The following KIAA2012 variants were observed in gnomAD, a reference collection of about 807,000 sequenced individuals.
KIAA2012 encodes the protein uncharacterized protein KIAA2012.
KIAA2012 carries 125 observed loss-of-function variants against 150.6 expected under a neutral mutation model. That is an observed-to-expected ratio of 0.83 (90% CI 0.72 to 0.96). The LOEUF (loss-of-function observed/expected upper bound fraction) is 0.96, where lower values mean the gene tolerates loss of function less well. KIAA2012 is among the 40% of genes least tolerant of loss of function. The pLI is 0.00. For missense variants in KIAA2012, 1,219 were observed against 1,354.9 expected (o/e 0.90, Z 1.57); for synonymous variants, 462 against 504.7 (o/e 0.92, Z 1.13).
chr2:202,184,182 A>G lies in KIAA2012; in HGVS notation c.2120-571A>G, dbSNP rs570057773. Among the ~76,000 whole-genome samples, 174 of 152,146 alleles carry G rather than the reference A, an allele frequency of 1.1e-3. 1 individual carries two copies. Among genetic ancestry groups the G allele is most frequent in the Non-Finnish European group, 2.0e-3 (134 of 67,994 alleles). ...GGGTGGATCACGAGGTCAGGAGTTC[A>G]AGACCAGCCTGGCCAATATGGTGAA... On this transcript the variant is annotated intron_variant, in intron 15 of 23. Coordinates refer to ENST00000498697, the MANE Select transcript of KIAA2012 (RefSeq NM_001277372.4).
intron 2 of KIAA2012, among the ~76,000 whole-genome samples, chr2:202,088,717 A>T (rs551743378): frequency 6.6e-6 from 1 of 152,310 alleles, no homozygotes; most frequent in Admixed American, 6.5e-5. Context: ...TAAATTATAT[A>T]ATGATTAGAC....
Position 202,093,304 on chromosome 2 carries a change from T to C in KIAA2012, c.685+119T>C. 29 of 1,037,434 alleles carry C rather than the reference T, an allele frequency of 2.8e-5. 1 individual carries two copies. In the South Asian group the frequency reaches 4.6e-4, roughly 16 times the overall value. 64.3% of individuals were successfully genotyped at this position (1,037,434 alleles called of 1,614,324 possible). A position where few individuals can be genotyped will look rare whatever the true frequency, so the allele number is the denominator to read the frequency against. On this transcript the variant is annotated intron_variant, in intron 4 of 23. Transcript: ENST00000498697. The stretch of plus-strand genomic sequence containing the variant: ...AGATTCTGGGTTGCATAGTCCTCAA[T>C]CTGTAAAATGAGGGGTTAGTGCAGA...
intron 12 of KIAA2012, among the ~76,000 whole-genome samples, chr2:202,133,132 T>TA (rs1559215816): frequency 6.2e-5 from 6 of 96,434 alleles, no homozygotes; most frequent in East Asian, 2.6e-4. Flanking sequence ...ATATATATAT[T>TA]TTTTTTTTTT....
At chr2:202,165,805 T>A (rs1185692420) in intron 15 of KIAA2012, among the ~76,000 whole-genome samples, 1 of 152,250 alleles carries the variant, frequency 6.6e-6, no homozygotes, top group Non-Finnish European at 1.5e-5. Flanking sequence ...TTTTACCATG[T>A]CCTTCAGTTG....
At chr2:202,121,616 A>G (rs1690654240) in intron 11 of KIAA2012, among the ~76,000 whole-genome samples, 1 of 152,154 alleles carries the variant, frequency 6.6e-6, no homozygotes, top group African/African-American at 2.4e-5. Flanking sequence ...GGAAGTGAGT[A>G]TTTTCAATCA....
intron 14 of KIAA2012, among the ~76,000 whole-genome samples, chr2:202,161,369 T>C (rs1458159056): frequency 1.3e-5 from 2 of 152,192 alleles, no homozygotes; most frequent in Non-Finnish European, 2.9e-5. Flanking sequence ...TTGCTTGAAA[T>C]TCTTTACTGT....
intron 13 of KIAA2012, among the ~76,000 whole-genome samples, chr2:202,145,468 G>A (rs1396590563): frequency 1.3e-5 from 2 of 152,148 alleles, no homozygotes; most frequent in Middle Eastern, 3.2e-3. Context: ...TTTATTTGCT[G>A]AGTTTTCACT....
At chr2:202,099,899 C>T (rs1313260634) in intron 6 of KIAA2012, 103 bp downstream of exon 6, 2 of 1,041,760 alleles carry the variant, frequency 1.9e-6, no homozygotes, top group Non-Finnish European at 2.7e-6. Flanking sequence ...TTGCGCCACT[C>T]ACCTTACAAA....
intron 12 of KIAA2012, among the ~76,000 whole-genome samples, chr2:202,133,130 A>ATATATATTTTTTTTTTT (rs1279080237): frequency 1.5e-5 from 1 of 67,780 alleles, no homozygotes; most frequent in Admixed American, 1.8e-4. Context: ...ATATATATAT[A>ATATATATTTTTTTTTTT]TTTTTTTTTT....
chr2:202,174,034 C>T (rs374339091), intron 15 of KIAA2012, among the ~76,000 whole-genome samples: 15 of 152,082 alleles, frequency 9.9e-5, no homozygotes, highest in African/African-American at 3.1e-4. Context: ...GGCACGATCT[C>T]GGCTCACTGC....
chr2:202,187,549 C>T (rs1401217803), intron 17 of KIAA2012, among the ~76,000 whole-genome samples: 1 of 152,160 alleles, frequency 6.6e-6, no homozygotes, highest in East Asian at 1.9e-4. Flanking sequence ...TCAAGTGATC[C>T]ACCTGCCTGA....
chr2:202,112,872 C>T (rs1690408717), intron 10 of KIAA2012, among the ~76,000 whole-genome samples: 1 of 152,216 alleles, frequency 6.6e-6, no homozygotes, highest in African/African-American at 2.4e-5. Flanking sequence ...CTGGCATCAC[C>T]AAGCCATCCC....
intron 10 of KIAA2012, among the ~76,000 whole-genome samples, chr2:202,111,478 C>G (rs1343403875): frequency 1.4e-5 from 2 of 141,390 alleles, no homozygotes; most frequent in African/African-American, 2.7e-5. Flanking sequence ...CCATTGCACT[C>G]CAGCCTGAGC....
rs117615073 is a variant in KIAA2012, at chr2:202,140,171, T to G, written c.1908+1663T>G. 1.7e-3 allele frequency among the ~76,000 whole-genome samples: 262 copies of G among 152,200 alleles called. 7 individuals carry two copies. In the East Asian group the frequency reaches 0.049, roughly 28 times the overall value. ...TGAATGCAGAAGATGGAGGTTGCAA[T>G]GAGCCAAGATCACTCCATTGCACTC... On this transcript the variant is annotated intron_variant, in intron 13 of 23. Transcript: ENST00000498697.
chr2:202,163,276 G>A (rs1347468286), intron 14 of KIAA2012, among the ~76,000 whole-genome samples: 3 of 151,392 alleles, frequency 2.0e-5, no homozygotes, highest in African/African-American at 2.4e-5. Context: ...GCTAATTTTT[G>A]TATTTTTAGT....
At chr2:202,200,279 T>TATC (rs1173455785) in intron 22 of KIAA2012, among the ~76,000 whole-genome samples, 2 of 152,128 alleles carry the variant, frequency 1.3e-5, no homozygotes, top group Admixed American at 6.6e-5. Flanking sequence ...GTCTGCAGGA[T>TATC]ATCTTTGTTC....
chr2:202,189,625 G>T (rs993264656), intron 18 of KIAA2012, among the ~76,000 whole-genome samples: 2 of 152,072 alleles, frequency 1.3e-5, no homozygotes, highest in Non-Finnish European at 2.9e-5. Flanking sequence ...ACTGCTGAAT[G>T]TCAGTTGATC....
chr2:202,125,541 T>C (rs772046120), intron 12 of KIAA2012, among the ~76,000 whole-genome samples: 1 of 152,204 alleles, frequency 6.6e-6, no homozygotes, highest in Non-Finnish European at 1.5e-5. Context: ...TTAGCTGGCC[T>C]GGGGAAGGAT....
intron 13 of KIAA2012, among the ~76,000 whole-genome samples, chr2:202,141,370 G>A (rs561693661): frequency 2.6e-5 from 4 of 152,236 alleles, no homozygotes; most frequent in African/African-American, 9.6e-5. Context: ...GTTGGAAGAG[G>A]GGGTGAGGTG....
Sources: gnomAD v4.1 joint callset for allele counts (sites outside exome capture counted in the v4.1 genomes callset) on GRCh38, gnomAD v4.1.1 for gene constraint, MANE v1.5 for transcripts, NCBI Gene and HGNC (gene_info 2026-07-23, HGNC 2026-07-21) for gene names.